Variants in ANO1 observed in about 807,000 individuals in gnomAD.
ANO1 encodes the protein anoctamin 1.
ANO1 carries 59 observed loss-of-function variants against 124.0 expected under a neutral mutation model. That is an observed-to-expected ratio of 0.48 (90% CI 0.39 to 0.59). ANO1 has a LOEUF of 0.59. ANO1 is among the 20% of genes least tolerant of loss of function. The pLI, the probability that ANO1 is intolerant of heterozygous loss-of-function variation, is 0.00. For missense variants in ANO1, 1,059 were observed against 1,328.0 expected, an observed-to-expected ratio of 0.80 and a Z score of 3.15; for synonymous variants, 529 against 532.0, an observed-to-expected ratio of 0.99 and a Z score of 0.08.
At chr11:70,013,564 A>G (rs1274765964) in intron 1 of ANO1, among the ~76,000 whole-genome samples, 1 of 152,132 alleles carries the variant, frequency 6.6e-6, no homozygotes, top group East Asian at 1.9e-4. Context: ...GGATCACCTG[A>G]GGCCAGGAGT....
the ANO1 span, among the ~76,000 whole-genome samples, chr11:69,970,783 G>C: frequency 6.6e-6 from 1 of 152,236 alleles, no homozygotes; most frequent in Non-Finnish European, 1.5e-5. Flanking sequence ...CCCAAGGCTG[G>C]TAGGGGCCTC....
At chr11:70,053,034 G>A (rs563758619) in intron 1 of ANO1, among the ~76,000 whole-genome samples, 6 of 152,036 alleles carry the variant, frequency 3.9e-5, no homozygotes, top group Non-Finnish European at 4.4e-5. Context: ...GTTTAAAAAG[G>A]CATGAGTTTT....
intron 1 of ANO1, among the ~76,000 whole-genome samples, chr11:70,049,782 G>A (rs11237917): frequency 1.3e-5 from 2 of 151,826 alleles, no homozygotes; most frequent in Non-Finnish European, 2.9e-5. Context: ...GTACAGTGGC[G>A]CAATCTCAGC....
chr11:69,999,126 C>T (rs782576054), intron 1 of ANO1, among the ~76,000 whole-genome samples: 2 of 151,898 alleles, frequency 1.3e-5, no homozygotes, highest in Middle Eastern at 3.2e-3. Flanking sequence ...AATTGGCTCA[C>T]GGTTCTGCAG....
intron 22 of ANO1, among the ~76,000 whole-genome samples, chr11:70,177,583 CTTTTTTTTTTCTTTT>C (rs1376478524): frequency 1.6e-5 from 2 of 126,510 alleles, no homozygotes; most frequent in Non-Finnish European, 3.4e-5. Context: ...TTTTTCTTTT[CTTTTTTTTTTCTTTT>C]TTTTTTTTTT....
In ANO1 at chr11:70,188,354, A is replaced by C; in HGVS notation, c.*350A>C. 1 of 253,352 alleles carries C rather than the reference A, an allele frequency of 3.9e-6. No homozygotes were observed. Among genetic ancestry groups the C allele is most frequent in the Non-Finnish European group, 7.6e-6 (1 of 131,424 alleles). The allele number at this position is 253,352 out of a possible 1,614,324, so 15.7% of individuals were successfully genotyped here. ...GAAAAGTGAGCAGAGGCCCGTAGAAACCCTCCTCTGAATCCTCCTAATTCC... is the reference window on the plus strand; with the variant it reads ...GAAAAGTGAGCAGAGGCCCGTAGAACCCCTCCTCTGAATCCTCCTAATTCC... On this transcript the variant is annotated 3_prime_UTR_variant, in exon 26 of 26. Transcript: ENST00000355303.
At chr11:70,144,547 C>T (rs934028691) in intron 11 of ANO1, among the ~76,000 whole-genome samples, 8 of 152,224 alleles carry the variant, frequency 5.3e-5, no homozygotes, top group African/African-American at 1.9e-4. Context: ...TGCCTCTGGA[C>T]GCCTCTATGA....
chr11:69,973,596 G>C, the ANO1 span, among the ~76,000 whole-genome samples: 2 of 152,076 alleles, frequency 1.3e-5, no homozygotes, highest in Non-Finnish European at 2.9e-5. Context: ...TTCCTTAGCC[G>C]GGCGCGGTGG....
At chr11:70,181,077 A>C (rs1401547998) in intron 23 of ANO1, among the ~76,000 whole-genome samples, 1 of 152,150 alleles carries the variant, frequency 6.6e-6, no homozygotes, top group Non-Finnish European at 1.5e-5. Flanking sequence ...TCCCCAGTAC[A>C]TACTTCAAGC....
At chr11:70,128,396 G>T (rs1788033104) in intron 10 of ANO1, among the ~76,000 whole-genome samples, 1 of 152,228 alleles carries the variant, frequency 6.6e-6, no homozygotes, top group Non-Finnish European at 1.5e-5. Context: ...GTAAGGTGAG[G>T]ATTCTCCCCA....
At chr11:70,033,732 A>T (rs1490111422) in intron 1 of ANO1, among the ~76,000 whole-genome samples, 1 of 152,020 alleles carries the variant, frequency 6.6e-6, no homozygotes, top group Non-Finnish European at 1.5e-5. Flanking sequence ...CATTTGTATA[A>T]ATCAGACTTT....
intron 19 of ANO1, among the ~76,000 whole-genome samples, chr11:70,164,047 G>A (rs1421923858): frequency 6.6e-6 from 1 of 151,926 alleles, no homozygotes; most frequent in African/African-American, 2.4e-5. Context: ...CACCATGCTG[G>A]TGGCATGTGC....
intron 1 of ANO1, among the ~76,000 whole-genome samples, chr11:70,012,324 G>A (rs114443758): frequency 0.051 from 6,725 of 132,416 alleles, 491 homozygotes; most frequent in African/African-American, 0.17. Flanking sequence ...CTATCCATCC[G>A]TTATTCCATC....
chr11:69,988,365 G>A (rs1384329924), intron 1 of ANO1, among the ~76,000 whole-genome samples: 1 of 152,178 alleles, frequency 6.6e-6, no homozygotes, highest in East Asian at 1.9e-4. Flanking sequence ...GCAGCCCTGT[G>A]CCCTCGGCCA....
intron 5 of ANO1, 100 bp from the exon 6 acceptor site, chr11:70,108,253 C>A: frequency 8.4e-7 from 1 of 1,194,468 alleles, no homozygotes; most frequent in Non-Finnish European, 1.2e-6. Flanking sequence ...GGTCTTCATG[C>A]GTAACGTGTG....
intron 1 of ANO1, among the ~76,000 whole-genome samples, chr11:70,047,925 G>A (rs372204444): frequency 2.2e-4 from 33 of 152,320 alleles, no homozygotes; most frequent in African/African-American, 7.5e-4. Flanking sequence ...AAATTGTATC[G>A]TTGTGGAATG....
At chr11:70,060,527 T>C (rs1857549347) in intron 1 of ANO1, among the ~76,000 whole-genome samples, 1 of 152,130 alleles carries the variant, frequency 6.6e-6, no homozygotes, top group Non-Finnish European at 1.5e-5. Context: ...ATTGGGCCCA[T>C]GGTAATAGCT....
intron 13 of ANO1, 94 bp downstream of exon 13, chr11:70,152,555 T>C: frequency 7.1e-7 from 1 of 1,416,508 alleles, no homozygotes; most frequent in African/African-American, 1.4e-5. Context: ...TACCACGCAG[T>C]TCCCGCAGTT....
chr11:70,165,609 G>T, intron 20 of ANO1, 39 bp downstream of exon 20: 1 of 1,554,322 alleles, frequency 6.4e-7, no homozygotes, highest in Non-Finnish European at 8.8e-7. Flanking sequence ...CAGGGGCGGG[G>T]CCAGGCGGAG....
Sources: allele counts gnomAD v4.1 joint callset (sites outside exome capture counted in the v4.1 genomes callset), GRCh38; gene constraint gnomAD v4.1.1; transcripts MANE v1.5; gene names NCBI Gene and HGNC (gene_info 2026-07-23, HGNC 2026-07-21).